Variants in COL5A3 observed in about 807,000 individuals in gnomAD.
The protein encoded by COL5A3 is collagen type V alpha 3 chain.
COL5A3 carries 172 observed loss-of-function variants against 250.0 expected under a neutral mutation model. That is an observed-to-expected ratio of 0.69 (90% CI 0.61 to 0.78). The LOEUF is 0.78. COL5A3 is among the 30% of genes least tolerant of loss of function. The probability of loss-of-function intolerance (pLI) is 0.00; values close to 1 mark genes in which losing one functional copy is unlikely to be tolerated. For missense variants in COL5A3, 2,340 were observed against 2,334.4 expected, an observed-to-expected ratio of 1.00 and a Z score of -0.05; for synonymous variants, 937 against 900.4, an observed-to-expected ratio of 1.04 and a Z score of -0.73.
At chr19:9,979,003 A>G in intron 39 of COL5A3, 23 bp from the exon 40 acceptor site, 1 of 1,535,912 alleles carries the variant, frequency 6.5e-7, no homozygotes, top group South Asian at 1.3e-5. Context: ...AAAGGAGGGA[A>G]GTCAAGCTCC....
At position 9,979,860 on chromosome 19, in the gene COL5A3, G is replaced by T; in HGVS notation, c.2691C>A (p.His897Gln). The change falls in exon 37 of 67, where the codon CAC becomes CAA. Residue 897 changes from histidine (H) to glutamine (Q), a missense_variant. By Grantham distance (24) the His-to-Gln change is conservative (BLOSUM62 0). Around this residue, in one of 3 missense-constraint regions of COL5A3, gnomAD observed 1,179 missense variants for 1,162.6 expected, o/e 1.01. Transcript: ENST00000264828. ...TCACCAGTTCTCCTCTCTGTCCAGGGTGCCCTGGTCGCCCATCTTTACCTT... is the reference window on the plus strand; with the variant it reads ...TCACCAGTTCTCCTCTCTGTCCAGGTTGCCCTGGTCGCCCATCTTTACCTT... Reference protein sequence around the residue: ...GHQGKDGRPGHPGQRGELGFQ... With the variant: ...GHQGKDGRPGQPGQRGELGFQ... 1.3e-6 allele frequency: 2 copies of T among 1,579,176 alleles called. No individual in the cohort carries two copies. Among genetic ancestry groups the T allele is most frequent in the Middle Eastern group, 3.5e-4 (2 of 5,772 alleles).
At chr19:9,993,169 C>T (rs1347012609) in intron 19 of COL5A3, 102 bp from the exon 20 acceptor site, 1 of 1,323,770 alleles carries the variant, frequency 7.6e-7, no homozygotes, top group Non-Finnish European at 1.1e-6. Flanking sequence ...GGAATTAGAC[C>T]AGGATCCCTG....
chr19:10,009,969 CCAT>C lies in COL5A3; in HGVS notation c.88+326_88+328del, dbSNP rs2087503967. Among the ~76,000 whole-genome samples the C allele has an allele frequency of 6.6e-6, 1 of 152,126 alleles. No individual in the cohort carries two copies. The highest frequency in any genetic ancestry group is 2.1e-4 in the South Asian group (1 of 4,834). On this transcript the variant is annotated intron_variant, in intron 1 of 66. Coordinates refer to ENST00000264828, the MANE Select transcript of COL5A3 (RefSeq NM_015719.4). This position sits in a 1 kb window ranked among gnomAD's most constrained non-coding sequence, Gnocchi z 4.4. ...CCTGTCACTCACAGTCACACTATCACCATCAACCTCCACACGCAAGCACATACG... is the reference window on the plus strand; with the variant it reads ...CCTGTCACTCACAGTCACACTATCACCAACCTCCACACGCAAGCACATACG...
In COL5A3 at chr19:9,967,885, G is replaced by T. The variant is rs368019895; in HGVS notation, c.4404+19C>A. ...GGGGAGCTGGGATGTGTAAGCCCAC[G>T]GAAGCAGGGTGTACTCACCGGAGAC... On this transcript the variant is annotated intron_variant, in intron 61 of 66. Transcript: ENST00000264828. 8 of 1,611,400 alleles carry T rather than the reference G, an allele frequency of 5.0e-6. No homozygotes were observed. The highest frequency in any genetic ancestry group is 6.8e-6 in the Non-Finnish European group (8 of 1,179,060).
chr19:9,980,544 C>T, intron 35 of COL5A3, 104 bp downstream of exon 35: 1 of 1,490,842 alleles, frequency 6.7e-7, no homozygotes, highest in South Asian at 1.3e-5. Context: ...GCTCTTACCA[C>T]TGCATTATAA....
chr19:9,994,602 A>G (rs1157247772), intron 16 of COL5A3, among the ~76,000 whole-genome samples: 6 of 117,046 alleles, frequency 5.1e-5, no homozygotes, highest in Non-Finnish European at 8.9e-5. Context: ...ATATATATAT[A>G]TATATGGTCA....
At chr19:9,982,019 C>T (rs373090911) in intron 32 of COL5A3, 46 bp downstream of exon 32, 1 of 1,453,850 alleles carries the variant, frequency 6.9e-7, no homozygotes, top group African/African-American at 1.4e-5. Context: ...ATGCTGTTCC[C>T]CTCAGACAAG....
chr19:9,966,783 G>C, intron 62 of COL5A3, 37 bp from the exon 63 acceptor site: 1 of 1,465,248 alleles, frequency 6.8e-7, no homozygotes, highest in Non-Finnish European at 9.2e-7. Context: ...AGAGAGGGGA[G>C]ATGGGGGAGG....
chr19:9,987,305 C>G (rs8100973), intron 27 of COL5A3, among the ~76,000 whole-genome samples: 68,592 of 152,114 alleles, frequency 0.45, 17,452 homozygotes, highest in African/African-American at 0.7. Flanking sequence ...CAGCTACAGA[C>G]AAATTCACTT....
chr19:10,006,275 C>G, intron 1 of COL5A3, 44 bp from the exon 2 acceptor site: 1 of 1,542,476 alleles, frequency 6.5e-7, no homozygotes. Flanking sequence ...AGGTGGGGAA[C>G]AGCTAGAATA....
At chr19:9,998,637 A>T (rs2087307353) in intron 8 of COL5A3, among the ~76,000 whole-genome samples, 1 of 151,436 alleles carries the variant, frequency 6.6e-6, no homozygotes, top group African/African-American at 2.4e-5. Flanking sequence ...CCTGTGGAAC[A>T]CCTAGGCTTT....
rs778153258 is a variant in COL5A3 at position 9,982,074 on chromosome 19, T to A, written c.2451A>T (p.Lys817Asn). The part of the protein sequence containing the change: ...FPGPLGPIGE[K>N]GKSGKTGQPG... Reference sequence around the variant, plus strand: ...CCCGGTCATGACTCACCGACTTCCCTTTCTCTCCTATGGGTCCCAGGGGAC... The same window carrying A: ...CCCGGTCATGACTCACCGACTTCCCATTCTCTCCTATGGGTCCCAGGGGAC... The change falls in exon 32 of 67, where the codon AAA (lysine) becomes AAT (asparagine). Residue 817 changes from lysine (K) to asparagine (N), a missense_variant. By Grantham distance (94) the Lys-to-Asn change is moderately conservative. Transcript: ENST00000264828. 2 of 1,610,470 alleles carry A rather than the reference T, an allele frequency of 1.2e-6. No homozygotes were observed. Among genetic ancestry groups the A allele is most frequent in the Non-Finnish European group, 1.7e-6 (2 of 1,177,840 alleles).
At chr19:9,960,615 T>G in intron 66 of COL5A3, 36 bp downstream of exon 66, 1 of 1,613,440 alleles carries the variant, frequency 6.2e-7, no homozygotes, top group South Asian at 1.1e-5. Flanking sequence ...ACATCTTGCC[T>G]CCCCTCTCTA....
At chr19:9,966,274 C>G in intron 64 of COL5A3, 40 bp downstream of exon 64, 1 of 1,486,454 alleles carries the variant, frequency 6.7e-7, no homozygotes, top group Non-Finnish European at 9.3e-7. Context: ...CAGGGGACAG[C>G]ACTTCCTGGG....
chr19:9,974,328 C>T lies in COL5A3; in HGVS notation c.3423G>A (p.Val1141=), dbSNP rs758406763. The change falls in exon 46 of 67, where the codon GTG becomes GTA. Residue 1141 remains valine, a synonymous_variant. Coordinates refer to ENST00000264828, the MANE Select transcript of COL5A3 (RefSeq NM_015719.4). ...GCAGTCCAGGAGGGCCAATCACCCC[C>T]ACAAAGCCTCTGACTCCGTCATCTC... ...QKGDDGVRGF[V]GVIGPPGLQG... 15 of 1,612,460 alleles carry T rather than the reference C, an allele frequency of 9.3e-6. No homozygotes were observed. The highest frequency in any genetic ancestry group is 9.3e-6 in the Non-Finnish European group (11 of 1,179,192).
chr19:9,983,465 T>G (rs1163734479), intron 31 of COL5A3, among the ~76,000 whole-genome samples: 3 of 149,678 alleles, frequency 2.0e-5, no homozygotes, highest in African/African-American at 7.4e-5. Flanking sequence ...ACTATTGCAC[T>G]CCAGCCTGAA....
chr19:9,970,217 G>C (rs1599533190), intron 54 of COL5A3, among the ~76,000 whole-genome samples: 1 of 48,184 alleles, frequency 2.1e-5, no homozygotes. Context: ...GGCTGTGGGT[G>C]AGTGGGGGCT....
chr19:9,983,529 GAAGAAAGAAAGAAAGAA>G (rs1410985829), intron 31 of COL5A3, among the ~76,000 whole-genome samples: 2 of 95,184 alleles, frequency 2.1e-5, no homozygotes, highest in African/African-American at 9.3e-5. Flanking sequence ...CAAAAAGAAA[GAAGAAAGAAAGAAAGAA>G]AGAAAGAAAG....
At position 9,993,034 on chromosome 19, in the gene COL5A3, C is replaced by T. The variant is rs2087216750; in HGVS notation, c.1783G>A (p.Ala595Thr). Reference sequence around the variant, plus strand: ...TCCCTGATACTCACCGGCTCCCCAGCCTGGCCAGTGGGCCCTGGAGGTCCC... The same window carrying T: ...TCCCTGATACTCACCGGCTCCCCAGTCTGGCCAGTGGGCCCTGGAGGTCCC... ...AEGPPGPTGQAGEPGPRGLLG... is the reference protein window; with the variant it reads ...AEGPPGPTGQTGEPGPRGLLG... Residue 595 changes from alanine to threonine, a missense_variant, in exon 20 of 67, where the codon GCT becomes ACT. This residue lies in a region of COL5A3 where 1,152 missense variants were observed against 1,146.3 expected (regional missense o/e 1.00). Transcript: ENST00000264828. 6 of 1,613,862 alleles carry T rather than the reference C, an allele frequency of 3.7e-6. No individual in the cohort carries two copies. The highest frequency in any genetic ancestry group is 5.1e-6 in the Non-Finnish European group (6 of 1,179,894).
Sources: gnomAD v4.1 joint callset for allele counts (sites outside exome capture counted in the v4.1 genomes callset) on GRCh38, gnomAD v4.1.1 for gene constraint, gnomAD v4.1.1 regional missense constraint, Gnocchi (gnomAD v3.1) non-coding constraint, MANE v1.5 for transcripts, NCBI Gene and HGNC (gene_info 2026-07-23, HGNC 2026-07-21) for gene names.